The following KARS1 variants were observed in gnomAD, a reference collection of about 807,000 sequenced individuals.
KARS1 encodes lysine--tRNA ligase.
In KARS1, 50 loss-of-function variants were observed where a neutral mutation model predicts 63.9. The ratio of observed to expected loss-of-function variants is 0.78; its 90% CI spans 0.62 to 0.99. The LOEUF is 0.99. Ranked by LOEUF, KARS1 falls within the 50% of genes least tolerant of loss-of-function variation. KARS1 has a pLI of 0.00. For synonymous variants in KARS1, 320 were observed against 264.6 expected (o/e 1.21, Z -2.03); for missense variants, 816 against 754.5 (o/e 1.08, Z -0.95).
chr16:75,646,302 G>A (rs2082282594), intron 1 of KARS1, among the ~76,000 whole-genome samples: 1 of 152,174 alleles, frequency 6.6e-6, no homozygotes, highest in Admixed American at 6.5e-5. Context: ...CAGCACTTTG[G>A]GAGGCCAAGG....
intron 1 of KARS1, among the ~76,000 whole-genome samples, chr16:75,642,152 C>T (rs376699722): frequency 7.8e-4 from 116 of 147,870 alleles, no homozygotes; most frequent in African/African-American, 2.8e-3. Flanking sequence ...GTTTAGTATC[C>T]CCCTAGAAGG....
At chr16:75,629,033 T>A (rs1484555526) in intron 12 of KARS1, 5 of 468,322 alleles carry the variant, frequency 1.1e-5, no homozygotes, top group African/African-American at 9.9e-5. Flanking sequence ...TTTCTCCCAT[T>A]TCCTGAAAAC....
At chr16:75,643,731 G>C (rs1287894307) in intron 1 of KARS1, among the ~76,000 whole-genome samples, 2 of 152,178 alleles carry the variant, frequency 1.3e-5, no homozygotes, top group African/African-American at 4.8e-5. Flanking sequence ...TTTCAAAGTT[G>C]ACAGCTTTTT....
At chr16:75,633,993 C>CT (rs2082136674) in intron 7 of KARS1, 180 bp downstream of exon 7, 3 of 723,002 alleles carry the variant, frequency 4.1e-6, no homozygotes, top group Non-Finnish European at 7.5e-6. Flanking sequence ...CTACAATGCT[C>CT]TATTAATCTT....
intron 1 of KARS1, chr16:75,644,152 G>C (rs928103784): frequency 1.1e-5 from 8 of 710,928 alleles, no homozygotes; most frequent in Non-Finnish European, 9.4e-6. Context: ...AGGACTATTG[G>C]TTTTGGTATT....
intron 3 of KARS1, among the ~76,000 whole-genome samples, chr16:75,639,518 G>C (rs750427817): frequency 1.4e-5 from 2 of 145,766 alleles, no homozygotes; most frequent in Non-Finnish European, 3.0e-5. Context: ...GTTGCAGTAA[G>C]CTGAGATGGC....
chr16:75,644,948 G>C (rs116811812), intron 1 of KARS1, among the ~76,000 whole-genome samples: 226 of 152,332 alleles, frequency 1.5e-3, no homozygotes, highest in African/African-American at 5.0e-3. Context: ...TGGAACTCTA[G>C]GAACAAGGGG....
rs193015487 is a variant in KARS1, at chr16:75,633,806, G to A, written c.915+367C>T. 5.3e-5 allele frequency among the ~76,000 whole-genome samples: 8 copies of A among 152,270 alleles called. No homozygotes were observed. In the East Asian group the frequency reaches 9.6e-4, roughly 18 times the overall value. On this transcript the variant is annotated intron_variant, in intron 7 of 13. Coordinates refer to ENST00000302445, the MANE Select transcript of KARS1 (RefSeq NM_005548.3). ...CGCTGGGATTACAGGTGTGAGGCCC[G>A]CGCCAGGCCTGAAGATGCTTATTTC...
intron 1 of KARS1, among the ~76,000 whole-genome samples, chr16:75,646,023 G>A (rs1246642547): frequency 2.0e-5 from 3 of 152,044 alleles, no homozygotes; most frequent in Non-Finnish European, 4.4e-5. Context: ...CTTTAGGATC[G>A]TATATCACAG....
intron 11 of KARS1, 93 bp downstream of exon 11, chr16:75,630,330 G>T: frequency 1.2e-6 from 1 of 819,422 alleles, no homozygotes; most frequent in Non-Finnish European, 2.0e-6. Flanking sequence ...CCAGCAGAAA[G>T]ACCACCAGTC....
intron 1 of KARS1, among the ~76,000 whole-genome samples, chr16:75,645,451 G>A (rs968649415): frequency 3.3e-5 from 5 of 152,208 alleles, no homozygotes; most frequent in African/African-American, 1.2e-4. Flanking sequence ...AACTCCTCTT[G>A]CAAGGTTATT....
chr16:75,644,684 G>C (rs967508772), intron 1 of KARS1, among the ~76,000 whole-genome samples: 3 of 152,156 alleles, frequency 2.0e-5, no homozygotes, highest in Non-Finnish European at 2.9e-5. Context: ...ATGCATATCT[G>C]GGGTAAAGCC....
At chr16:75,636,601 G>T in intron 3 of KARS1, 54 bp from the exon 4 acceptor site, 1 of 1,125,318 alleles carries the variant, frequency 8.9e-7, no homozygotes. Flanking sequence ...TCATTTTATG[G>T]TATCAGTGTC....
chr16:75,644,722 G>A (rs1432698871), intron 1 of KARS1, among the ~76,000 whole-genome samples: 1 of 152,184 alleles, frequency 6.6e-6, no homozygotes, highest in Non-Finnish European at 1.5e-5. Context: ...TAGCTTACAG[G>A]TAAAATTGCT....
At chr16:75,634,627 G>A (rs1433302523) in intron 6 of KARS1, among the ~76,000 whole-genome samples, 5 of 152,172 alleles carry the variant, frequency 3.3e-5, no homozygotes, top group Non-Finnish European at 7.3e-5. Context: ...CCAGGCTGGA[G>A]TGCAGCAGCG....
At chr16:75,644,217 G>T (rs2151812297) in intron 1 of KARS1, 3 of 1,465,468 alleles carry the variant, frequency 2.0e-6, no homozygotes, top group Non-Finnish European at 2.8e-6. Context: ...AGGCTTAACG[G>T]AAAATGAACC....
intron 1 of KARS1, chr16:75,644,508 T>TGGGACAG (rs1206388880): frequency 1.4e-6 from 2 of 1,385,552 alleles, no homozygotes; most frequent in African/African-American, 2.9e-5. Context: ...ACAGACAGTA[T>TGGGACAG]ACATATACCC....
At chr16:75,640,371 A>AC in intron 2 of KARS1, 22 bp from the exon 3 acceptor site, 1 of 1,602,522 alleles carries the variant, frequency 6.2e-7, no homozygotes, top group South Asian at 1.1e-5. Flanking sequence ...AAAAAAAAAA[A>AC]AGCCCTTCAG....
At chr16:75,628,858 G>A in intron 12 of KARS1, 146 bp from the exon 13 acceptor site, 2 of 841,132 alleles carry the variant, frequency 2.4e-6, no homozygotes, top group South Asian at 2.9e-5. Context: ...TCATTTCCTA[G>A]TAACTCCAAG....
Sources: gnomAD v4.1 joint callset for allele counts (sites outside exome capture counted in the v4.1 genomes callset) on GRCh38, gnomAD v4.1.1 for gene constraint, MANE v1.5 for transcripts, NCBI Gene and HGNC (gene_info 2026-07-23, HGNC 2026-07-21) for gene names.